The following CNTNAP5 variants were observed in gnomAD, a reference collection of about 807,000 sequenced individuals.
The protein encoded by CNTNAP5 is contactin associated protein family member 5, also known as contactin-associated protein-like 5.
CNTNAP5 carries 72 observed loss-of-function variants against 150.2 expected under a neutral mutation model. That is an observed-to-expected ratio of 0.48 (90% CI 0.40 to 0.58). The LOEUF (loss-of-function observed/expected upper bound fraction) is 0.58, where lower values mean the gene tolerates loss of function less well. Among genes scored for constraint, CNTNAP5 ranks in the 20% least tolerant of loss-of-function variants. CNTNAP5 has a pLI of 0.00. For missense variants in CNTNAP5, 1,636 were observed against 1,626.2 expected (o/e 1.01, Z -0.10); for synonymous variants, 672 against 619.8 (o/e 1.08, Z -1.25).
chr2:124,164,910 G>A (rs1340472524), intron 1 of CNTNAP5, among the ~76,000 whole-genome samples: 1 of 152,112 alleles, frequency 6.6e-6, no homozygotes, highest in Non-Finnish European at 1.5e-5. Context: ...TGGCAGGACT[G>A]GGTAGCATGT....
At position 124,213,297 on chromosome 2, in the gene CNTNAP5, T is replaced by G. The variant is rs916890257; in HGVS notation, c.83-8408T>G. Among the ~76,000 whole-genome samples, 6 of 152,310 alleles carry G rather than the reference T, an allele frequency of 3.9e-5. No individual in the cohort carries two copies. The South Asian group carries it at 1.2e-3, about 32-fold the overall frequency. ...ACTAGAGCTGGGTACTACTTGGCTCTCTCAGTGAGAAAACTAATGGAAAAG... is the reference window on the plus strand; with the variant it reads ...ACTAGAGCTGGGTACTACTTGGCTCGCTCAGTGAGAAAACTAATGGAAAAG... On this transcript the variant is annotated intron_variant, in intron 1 of 23. Transcript: ENST00000682447.
At chr2:124,618,998 A>G (rs565301342) in intron 12 of CNTNAP5, among the ~76,000 whole-genome samples, 2 of 152,346 alleles carry the variant, frequency 1.3e-5, no homozygotes, top group African/African-American at 4.8e-5. Flanking sequence ...AAGATTTAAT[A>G]CAGGTACTCA....
At chr2:124,793,534 C>T (rs1382927400) in intron 18 of CNTNAP5, among the ~76,000 whole-genome samples, 3 of 152,078 alleles carry the variant, frequency 2.0e-5, no homozygotes, top group African/African-American at 7.2e-5. Flanking sequence ...AAATTCTGAT[C>T]AAGTTCATTT....
chr2:124,140,619 T>C lies in CNTNAP5; in HGVS notation c.83-81086T>C, dbSNP rs1295203630. On this transcript the variant is annotated intron_variant, in intron 1 of 23. Coordinates refer to ENST00000682447, the MANE Select transcript of CNTNAP5 (RefSeq NM_001367498.1). ...AAAACTAACAACCAGAAAGGACATC[T>C]ACACCGAAAACCTATCTGTACATCA... Among the ~76,000 whole-genome samples, 5 of 105,894 alleles carry C rather than the reference T, an allele frequency of 4.7e-5. No homozygotes were observed. In the East Asian group the frequency reaches 1.1e-3, roughly 23 times the overall value. 69.5% of individuals were successfully genotyped at this position (105,894 alleles called of 152,430 possible).
intron 18 of CNTNAP5, 105 bp downstream of exon 18, chr2:124,790,246 T>A: frequency 8.1e-7 from 1 of 1,236,620 alleles, no homozygotes; most frequent in South Asian, 1.6e-5. Context: ...TATCATCTAC[T>A]CTCCCGCTGT....
intron 1 of CNTNAP5, among the ~76,000 whole-genome samples, chr2:124,113,654 G>A (rs1228575415): frequency 1.3e-5 from 2 of 151,766 alleles, no homozygotes; most frequent in Non-Finnish European, 2.9e-5. Context: ...TAAATGAAAA[G>A]ATAAGTTCTT....
chr2:124,604,027 C>A, intron 11 of CNTNAP5, among the ~76,000 whole-genome samples: 1 of 152,104 alleles, frequency 6.6e-6, no homozygotes, highest in South Asian at 2.1e-4. Flanking sequence ...TTTTCATGGT[C>A]CCAAAATTGA....
At chr2:124,313,404 G>A (rs1688882881) in intron 3 of CNTNAP5, among the ~76,000 whole-genome samples, 1 of 152,094 alleles carries the variant, frequency 6.6e-6, no homozygotes, top group African/African-American at 2.4e-5. Context: ...CTAAATTTTA[G>A]GATCATTTGA....
chr2:124,899,592 T>A (rs745593404), intron 21 of CNTNAP5, among the ~76,000 whole-genome samples: 1 of 151,562 alleles, frequency 6.6e-6, no homozygotes, highest in Non-Finnish European at 1.5e-5. Flanking sequence ...ATTGTAATTC[T>A]TTTTTTGGAT....
chr2:124,288,484 A>G (rs1042395513), intron 3 of CNTNAP5, among the ~76,000 whole-genome samples: 1 of 152,182 alleles, frequency 6.6e-6, no homozygotes, highest in African/African-American at 2.4e-5. Context: ...TCTTGTAAAT[A>G]GAATTTTAAA....
rs778863758 is a variant in CNTNAP5, at chr2:124,419,140, C to CAAAAAAAAAAAAAA, written c.529+1560_529+1573dup. Among the ~76,000 whole-genome samples, 56 of 28,902 alleles carry CAAAAAAAAAAAAAA rather than the reference C, an allele frequency of 1.9e-3. 8 individuals carry two copies. The highest frequency in any genetic ancestry group is 9.6e-3 in the East Asian group (5 of 522). 19.0% of individuals were successfully genotyped at this position (28,902 alleles called of 152,430 possible). ...TGGGCGACAGAGCGAGACTCCTTCT[C>CAAAAAAAAAAAAAA]AAAAAAAAAAAAAAAAAAAAAAACA... is the stretch of plus-strand genomic sequence containing the variant. On this transcript the variant is annotated intron_variant, in intron 4 of 23. Coordinates refer to ENST00000682447, the MANE Select transcript of CNTNAP5 (RefSeq NM_001367498.1).
At chr2:124,600,111 A>G (rs1347276800) in intron 11 of CNTNAP5, among the ~76,000 whole-genome samples, 1 of 152,190 alleles carries the variant, frequency 6.6e-6, no homozygotes, top group Non-Finnish European at 1.5e-5. Context: ...GTATGCTTGT[A>G]CTTCCTGAAA....
intron 19 of CNTNAP5, among the ~76,000 whole-genome samples, chr2:124,823,928 T>A (rs1052376279): frequency 1.3e-5 from 2 of 151,792 alleles, no homozygotes; most frequent in African/African-American, 2.4e-5. Context: ...TTTTCTTTTT[T>A]TTTTTTTGAG....
chr2:124,805,939 T>C (rs314721), intron 19 of CNTNAP5, among the ~76,000 whole-genome samples: 132,009 of 152,180 alleles, frequency 0.87, 57,715 homozygotes, highest in African/African-American at 0.96. Flanking sequence ...CCCTAATAAC[T>C]TCATTTACCC....
At chr2:124,167,980 C>T (rs536385009) in intron 1 of CNTNAP5, among the ~76,000 whole-genome samples, 1 of 152,168 alleles carries the variant, frequency 6.6e-6, no homozygotes, top group African/African-American at 2.4e-5. Flanking sequence ...TATTCCAATG[C>T]TTTTCAGATT....
At chr2:124,760,791 A>G (rs553678360) in intron 14 of CNTNAP5, among the ~76,000 whole-genome samples, 13 of 152,178 alleles carry the variant, frequency 8.5e-5, no homozygotes, top group African/African-American at 2.4e-4. Flanking sequence ...GAGAATTTCC[A>G]TAAGTATGTA....
chr2:124,619,478 G>T (rs906720406), intron 12 of CNTNAP5, among the ~76,000 whole-genome samples: 3 of 152,114 alleles, frequency 2.0e-5, no homozygotes, highest in African/African-American at 4.8e-5. Flanking sequence ...TGCCCTTGGG[G>T]TGATGGTTAA....
chr2:124,697,506 T>A (rs534364268), intron 13 of CNTNAP5, among the ~76,000 whole-genome samples: 9 of 152,074 alleles, frequency 5.9e-5, no homozygotes, highest in Non-Finnish European at 1.3e-4. Flanking sequence ...TATTCAATAC[T>A]TGACTTTTTT....
chr2:124,071,112 T>C (rs1466523114), intron 1 of CNTNAP5, among the ~76,000 whole-genome samples: 1 of 151,562 alleles, frequency 6.6e-6, no homozygotes, highest in Non-Finnish European at 1.5e-5. Flanking sequence ...ATGAAGAAAA[T>C]AAGAAGGCAA....
Sources: gnomAD v4.1 joint callset for allele counts (sites outside exome capture counted in the v4.1 genomes callset) on GRCh38, gnomAD v4.1.1 for gene constraint, MANE v1.5 for transcripts, NCBI Gene and HGNC (gene_info 2026-07-23, HGNC 2026-07-21) for gene names.